MEI4: variants seen among roughly 807,000 people sequenced by gnomAD.
The protein encoded by MEI4 is meiosis-specific protein MEI4.
In MEI4, 27 loss-of-function variants were observed where a neutral mutation model predicts 31.4. The ratio of observed to expected loss-of-function variants is 0.86; its 90% CI spans 0.63 to 1.19. MEI4 has a LOEUF of 1.19. MEI4 is among the 50% of genes most tolerant of loss of function. The probability of loss-of-function intolerance (pLI) is 0.00; values close to 1 mark genes in which losing one functional copy is unlikely to be tolerated. For missense variants in MEI4, 329 were observed against 398.9 expected, an observed-to-expected ratio of 0.82 and a Z score of 1.49; for synonymous variants, 122 against 145.4, an observed-to-expected ratio of 0.84 and a Z score of 1.16.
rs79180156 is a variant in MEI4, at chr6:77,861,144, T to A, written c.900+32082T>A. On this transcript the variant is annotated intron_variant, in intron 4 of 4. Transcript: ENST00000684080. Reference sequence around the variant, plus strand: ...CTTCATTGTCTGCCTCTCTTCACTGTAGCACAATCTCCATTTGTATGTCTT... The same window carrying A: ...CTTCATTGTCTGCCTCTCTTCACTGAAGCACAATCTCCATTTGTATGTCTT... Among the ~76,000 whole-genome samples the A allele has an allele frequency of 2.6e-5, 4 of 152,318 alleles. No homozygotes were observed. The South Asian group carries it at 8.3e-4, about 32-fold the overall frequency.
chr6:77,685,903 C>T (rs139561088), intron 1 of MEI4, among the ~76,000 whole-genome samples: 1 of 152,056 alleles, frequency 6.6e-6, no homozygotes, highest in Non-Finnish European at 1.5e-5. Flanking sequence ...ATATTTGTCC[C>T]CTCCAAATCT....
chr6:77,899,553 T>C (rs977340405), intron 4 of MEI4, among the ~76,000 whole-genome samples: 2 of 152,060 alleles, frequency 1.3e-5, no homozygotes, highest in South Asian at 2.1e-4. Flanking sequence ...TTCAGCTGCC[T>C]GGAGAATGTT....
intron 2 of MEI4, among the ~76,000 whole-genome samples, chr6:77,732,899 T>G (rs1561963138): frequency 6.6e-6 from 1 of 151,546 alleles, no homozygotes; most frequent in Non-Finnish European, 1.5e-5. Flanking sequence ...GTGGTTTTTG[T>G]CTTTGGTTCT....
At chr6:77,913,380 T>C (rs1479636982) in intron 4 of MEI4, among the ~76,000 whole-genome samples, 1 of 152,136 alleles carries the variant, frequency 6.6e-6, no homozygotes, top group Non-Finnish European at 1.5e-5. Context: ...CTTTATAAGT[T>C]TGGTAGAGTT....
chr6:77,726,360 C>A (rs761038066), intron 2 of MEI4, among the ~76,000 whole-genome samples: 5 of 151,686 alleles, frequency 3.3e-5, no homozygotes, highest in Non-Finnish European at 5.9e-5. Flanking sequence ...TCTTGCTTTT[C>A]CCCACAGCAT....
At chr6:77,656,565 A>T (rs1768401098) in intron 1 of MEI4, among the ~76,000 whole-genome samples, 1 of 152,174 alleles carries the variant, frequency 6.6e-6, no homozygotes, top group Admixed American at 6.5e-5. Context: ...GGGGAAGGAT[A>T]TCCTTAACTC....
chr6:77,884,977 A>G (rs968423590), intron 4 of MEI4, among the ~76,000 whole-genome samples: 2 of 152,022 alleles, frequency 1.3e-5, no homozygotes, highest in South Asian at 2.1e-4. Flanking sequence ...CACTCTTCCA[A>G]TCCCTGAGCA....
chr6:77,667,687 C>T (rs969754731), intron 1 of MEI4, among the ~76,000 whole-genome samples: 3 of 152,026 alleles, frequency 2.0e-5, no homozygotes, highest in Non-Finnish European at 4.4e-5. Context: ...GAAATGCAGA[C>T]AAGAGAGCAG....
intron 2 of MEI4, among the ~76,000 whole-genome samples, chr6:77,754,362 A>G (rs1263609176): frequency 6.6e-6 from 1 of 152,188 alleles, no homozygotes. Flanking sequence ...GCATAGCAAG[A>G]GTTACTTTTA....
At position 77,874,653 on chromosome 6, in the gene MEI4, A is replaced by G. The variant is rs1283489076; in HGVS notation, c.900+45591A>G. ...ACTTCCAACACTATGTTGAATAGGA[A>G]TGGTGAGAGAGGGCATCCCTGTCTT... is the stretch of plus-strand genomic sequence containing the variant. On this transcript the variant is annotated intron_variant, in intron 4 of 4. Transcript: ENST00000684080. Among the ~76,000 whole-genome samples, 232 of 151,972 alleles carry G rather than the reference A, an allele frequency of 1.5e-3. 1 individual carries two copies. The highest frequency in any genetic ancestry group is 2.0e-3 in the Non-Finnish European group (135 of 67,900).
At chr6:77,898,828 T>G (rs1480911838) in intron 4 of MEI4, among the ~76,000 whole-genome samples, 1 of 152,036 alleles carries the variant, frequency 6.6e-6, no homozygotes, top group Non-Finnish European at 1.5e-5. Flanking sequence ...TCTCTCTGTC[T>G]TTTCTGTATC....
At chr6:77,732,538 G>A (rs1767034258) in intron 2 of MEI4, among the ~76,000 whole-genome samples, 1 of 116,588 alleles carries the variant, frequency 8.6e-6, no homozygotes, top group Admixed American at 8.5e-5. Context: ...GCTGAGACAA[G>A]GGGTTTTCCA....
intron 4 of MEI4, among the ~76,000 whole-genome samples, chr6:77,864,420 G>A (rs1400498918): frequency 3.4e-5 from 5 of 148,140 alleles, no homozygotes; most frequent in Admixed American, 2.0e-4. Flanking sequence ...AAAAAGGCAG[G>A]GGTTGCAATC....
At chr6:77,790,874 C>A (rs1394360414) in intron 3 of MEI4, among the ~76,000 whole-genome samples, 2 of 152,086 alleles carry the variant, frequency 1.3e-5, no homozygotes, top group Non-Finnish European at 2.9e-5. Flanking sequence ...GGGCGAAGGA[C>A]AAGAACAGAC....
intron 4 of MEI4, among the ~76,000 whole-genome samples, chr6:77,872,913 T>A (rs528051613): frequency 6.6e-6 from 1 of 151,602 alleles, no homozygotes; most frequent in Admixed American, 6.6e-5. Flanking sequence ...CATGAACTCA[T>A]CATTTTTTAT....
chr6:77,800,996 G>T (rs1769239449), intron 3 of MEI4, among the ~76,000 whole-genome samples: 1 of 152,110 alleles, frequency 6.6e-6, no homozygotes, highest in African/African-American at 2.4e-5. Flanking sequence ...TCAGGATGAT[G>T]CTGGCCTCAT....
rs140147219 is a variant in MEI4, at chr6:77,727,284, A to G, written c.233-33846A>G. 1.4e-3 allele frequency among the ~76,000 whole-genome samples: 213 copies of G among 152,330 alleles called. 1 individual carries two copies. The highest frequency in any genetic ancestry group is 4.5e-3 in the African/African-American group (187 of 41,582). ...ACTAGTAGGATGACTGATGCATATT[A>G]TGGCCTATATTATAATCTTCAGCGC... On this transcript the variant is annotated intron_variant, in intron 2 of 4. Transcript: ENST00000684080.
intron 2 of MEI4, among the ~76,000 whole-genome samples, chr6:77,695,906 GTCT>G (rs1766022852): frequency 6.6e-6 from 1 of 152,116 alleles, no homozygotes; most frequent in Non-Finnish European, 1.5e-5. Flanking sequence ...GCATGGAATG[GTCT>G]TCTATTTGTT....
At chr6:77,670,061 G>A (rs912700951) in intron 1 of MEI4, among the ~76,000 whole-genome samples, 2 of 152,030 alleles carry the variant, frequency 1.3e-5, no homozygotes, top group African/African-American at 2.4e-5. Context: ...TTGGTAATTG[G>A]CATTTAATAC....
Sources: gnomAD v4.1 joint callset for allele counts (sites outside exome capture counted in the v4.1 genomes callset) on GRCh38, gnomAD v4.1.1 for gene constraint, MANE v1.5 for transcripts, NCBI Gene and HGNC (gene_info 2026-07-23, HGNC 2026-07-21) for gene names.